The following TEX11 variants were observed in gnomAD, a reference collection of about 807,000 sequenced individuals.
TEX11 encodes the protein testis-expressed protein 11.
Under a neutral mutation model 84.4 loss-of-function variants are expected in TEX11, and 7 were observed. That is an observed-to-expected ratio of 0.08 (90% CI 0.05 to 0.16). TEX11 has a LOEUF of 0.16. Ranked by LOEUF, TEX11 falls within the 10% of genes least tolerant of loss-of-function variation. The probability of loss-of-function intolerance (pLI) is 1.00; values close to 1 mark genes in which losing one functional copy is unlikely to be tolerated. For missense variants in TEX11, 551 were observed against 660.5 expected, an observed-to-expected ratio of 0.83 and a Z score of 1.82; for synonymous variants, 264 against 222.8, an observed-to-expected ratio of 1.18 and a Z score of -1.64.
intron 13 of TEX11, among the ~76,000 whole-genome samples, chrX:70,719,759 A>G (rs2090539901): frequency 8.9e-6 from 1 of 112,380 alleles, no homozygotes; most frequent in Admixed American, 9.5e-5. Flanking sequence ...GCCAAAAGAT[A>G]CGTGAAAAAA....
chrX:70,818,808 T>C (rs1395689467), intron 8 of TEX11, among the ~76,000 whole-genome samples: 1 of 111,413 alleles, frequency 9.0e-6, no homozygotes, highest in Non-Finnish European at 1.9e-5. Context: ...GGTGAAGGTT[T>C]TTCCCTACCA....
intron 8 of TEX11, among the ~76,000 whole-genome samples, chrX:70,832,383 G>A (rs1413878493): frequency 1.8e-5 from 2 of 111,865 alleles, no homozygotes; most frequent in African/African-American, 3.2e-5. Flanking sequence ...TTTGAATGAC[G>A]TTTCCAAGCA....
intron 5 of TEX11, among the ~76,000 whole-genome samples, chrX:70,859,771 T>G (rs1394961828): frequency 9.0e-6 from 1 of 110,986 alleles, no homozygotes; most frequent in Non-Finnish European, 1.9e-5. Flanking sequence ...ATCCCAGCAC[T>G]TTGGGAGGCC....
At chrX:70,637,498 G>A in intron 17 of TEX11, among the ~76,000 whole-genome samples, 1 of 112,249 alleles carries the variant, frequency 8.9e-6, no homozygotes, top group Non-Finnish European at 1.9e-5. Flanking sequence ...CAATAGCAAA[G>A]ACATATAATC....
intron 24 of TEX11, among the ~76,000 whole-genome samples, chrX:70,593,542 T>G (rs2088964206): frequency 8.9e-6 from 1 of 111,951 alleles, no homozygotes; most frequent in Non-Finnish European, 1.9e-5. Flanking sequence ...GAACTGATTT[T>G]GAAAAAGCCC....
chrX:70,805,882 T>C (rs890007866), intron 9 of TEX11, among the ~76,000 whole-genome samples: 1 of 112,461 alleles, frequency 8.9e-6, no homozygotes, highest in African/African-American at 3.2e-5. Context: ...TATTTTTGTA[T>C]AATTTTCTTG....
chrX:70,706,681 C>T (rs2090380263), intron 13 of TEX11, among the ~76,000 whole-genome samples: 1 of 111,155 alleles, frequency 9.0e-6, no homozygotes, highest in East Asian at 2.8e-4. Context: ...CCACCAGGGA[C>T]ATGCATATTA....
intron 9 of TEX11, among the ~76,000 whole-genome samples, chrX:70,795,468 G>A (rs995293420): frequency 9.0e-6 from 1 of 110,664 alleles, no homozygotes; most frequent in Non-Finnish European, 1.9e-5. Context: ...TGCTATTAGA[G>A]CCCTCGTTCA....
intron 28 of TEX11, among the ~76,000 whole-genome samples, chrX:70,533,952 C>T (rs1204005665): frequency 3.7e-5 from 4 of 107,796 alleles, no homozygotes; most frequent in South Asian, 4.2e-4. Flanking sequence ...ATTAGCTGGG[C>T]GTGGTGGCGG....
At chrX:70,643,484 C>T (rs2089692930) in intron 17 of TEX11, among the ~76,000 whole-genome samples, 1 of 87,795 alleles carries the variant, frequency 1.1e-5, no homozygotes, top group Non-Finnish European at 2.2e-5. Flanking sequence ...GCCAAAAGAA[C>T]AAAGCTGGAG....
intron 28 of TEX11, among the ~76,000 whole-genome samples, chrX:70,532,402 A>G (rs1444094035): frequency 8.9e-6 from 1 of 112,640 alleles, no homozygotes; most frequent in Non-Finnish European, 1.9e-5. Flanking sequence ...TGTTTAGAAC[A>G]GACCTCCGTG....
intron 2 of TEX11, among the ~76,000 whole-genome samples, chrX:70,906,112 T>TAG (rs2091832126): frequency 2.3e-4 from 11 of 48,180 alleles, no homozygotes; most frequent in Non-Finnish European, 3.5e-4. Flanking sequence ...TATATATATA[T>TAG]ATATATATAT....
At chrX:70,691,656 G>C (rs890132120) in intron 13 of TEX11, among the ~76,000 whole-genome samples, 1 of 111,229 alleles carries the variant, frequency 9.0e-6, no homozygotes, top group Non-Finnish European at 1.9e-5. Flanking sequence ...GGTTACCAGA[G>C]TTTCATTGGG....
chrX:70,822,267 A>G (rs1371233562), intron 8 of TEX11, among the ~76,000 whole-genome samples: 1 of 111,251 alleles, frequency 9.0e-6, no homozygotes, highest in Non-Finnish European at 1.9e-5. Context: ...GGTTAAATAC[A>G]TGGATGTGGA....
At chrX:70,548,386 T>C (rs1448661641) in intron 28 of TEX11, among the ~76,000 whole-genome samples, 2 of 109,956 alleles carry the variant, frequency 1.8e-5, no homozygotes, top group Admixed American at 9.8e-5. Context: ...ACCTGCACAT[T>C]GTGCACATGT....
intron 2 of TEX11, among the ~76,000 whole-genome samples, chrX:70,903,796 G>A (rs890688081): frequency 9.2e-6 from 1 of 108,558 alleles, no homozygotes; most frequent in African/African-American, 3.4e-5. Context: ...GCCCCAGTGG[G>A]TGTAATTATC....
At chrX:70,583,656 T>C (rs12689824) in intron 25 of TEX11, among the ~76,000 whole-genome samples, 9,225 of 111,424 alleles carry the variant, frequency 0.083, 850 homozygotes, top group African/African-American at 0.26. Flanking sequence ...TGAAAAGTCA[T>C]CAGAAAAATG....
At chrX:70,580,033 C>T (rs1222766180) in intron 25 of TEX11, among the ~76,000 whole-genome samples, 2 of 111,899 alleles carry the variant, frequency 1.8e-5, no homozygotes, top group Non-Finnish European at 3.8e-5. Context: ...TTCACAATAG[C>T]CAAGATTTGG....
intron 20 of TEX11, among the ~76,000 whole-genome samples, chrX:70,619,854 C>T (rs1401404469): frequency 9.3e-6 from 1 of 107,051 alleles, no homozygotes; most frequent in Admixed American, 1.0e-4. Flanking sequence ...CACTCTGTTG[C>T]CCAGAGTGCA....
Sources: allele counts gnomAD v4.1 joint callset (sites outside exome capture counted in the v4.1 genomes callset), GRCh38; gene constraint gnomAD v4.1.1; transcripts MANE v1.5; gene names NCBI Gene and HGNC (gene_info 2026-07-23, HGNC 2026-07-21).